GRAMD1B: variants seen among roughly 807,000 people sequenced by gnomAD.
GRAMD1B encodes GRAM domain containing 1B, also known as protein Aster-B.
GRAMD1B carries 37 observed loss-of-function variants against 99.7 expected under a neutral mutation model. That is an observed-to-expected ratio of 0.37 (90% CI 0.29 to 0.49). The LOEUF is 0.49. GRAMD1B is among the 20% of genes least tolerant of loss of function. GRAMD1B has a pLI of 0.98. For synonymous variants in GRAMD1B, 427 were observed against 387.6 expected, an observed-to-expected ratio of 1.10 and a Z score of -1.19; for missense variants, 888 against 1,009.2, an observed-to-expected ratio of 0.88 and a Z score of 1.63.
chr11:123,575,486 T>C (rs1948614850), intron 2 of GRAMD1B, among the ~76,000 whole-genome samples: 1 of 152,166 alleles, frequency 6.6e-6, no homozygotes, highest in Non-Finnish European at 1.5e-5. Context: ...CCAACTTCTC[T>C]AGTTATTTTT....
At chr11:123,609,710 CAGA>C (rs759704267) in intron 12 of GRAMD1B, 82 bp from the exon 13 acceptor site, 11 of 822,918 alleles carry the variant, frequency 1.3e-5, no homozygotes, top group Non-Finnish European at 1.8e-5. Flanking sequence ...AAGCACAGTC[CAGA>C]AGGTCACTTG....
At chr11:123,369,579 CT>C (rs1946450018) in intron 1 of GRAMD1B, among the ~76,000 whole-genome samples, 1 of 151,892 alleles carries the variant, frequency 6.6e-6, no homozygotes, top group Non-Finnish European at 1.5e-5. Context: ...TGTTAAAACC[CT>C]ATAAAGTGTG....
chr11:123,538,571 G>A (rs1475982122), intron 2 of GRAMD1B, among the ~76,000 whole-genome samples: 5 of 151,872 alleles, frequency 3.3e-5, no homozygotes, highest in African/African-American at 4.8e-5. Context: ...CCAGCTCTAG[G>A]CAACCACTTT....
chr11:123,566,812 A>G (rs1017238648), intron 2 of GRAMD1B, among the ~76,000 whole-genome samples: 1 of 152,004 alleles, frequency 6.6e-6, no homozygotes, highest in East Asian at 1.9e-4. Flanking sequence ...TTTAAAATTC[A>G]TGGACTATAT....
intron 1 of GRAMD1B, among the ~76,000 whole-genome samples, chr11:123,436,979 C>G (rs1949191055): frequency 6.6e-6 from 1 of 152,108 alleles, no homozygotes; most frequent in African/African-American, 2.4e-5. Flanking sequence ...GTTCAATTCC[C>G]ACCTATGAGT....
chr11:123,387,159 C>T (rs902230452), intron 1 of GRAMD1B, among the ~76,000 whole-genome samples: 1 of 152,072 alleles, frequency 6.6e-6, no homozygotes, highest in Non-Finnish European at 1.5e-5. Context: ...TCTGAGCCTC[C>T]CAGGTCAGGG....
At chr11:123,481,571 G>C (rs1412595813) in intron 2 of GRAMD1B, among the ~76,000 whole-genome samples, 1 of 152,202 alleles carries the variant, frequency 6.6e-6, no homozygotes, top group Non-Finnish European at 1.5e-5. Context: ...TGAGGAAGCT[G>C]CATAGCCCAG....
intron 1 of GRAMD1B, among the ~76,000 whole-genome samples, chr11:123,447,007 G>T (rs1447656857): frequency 6.6e-6 from 1 of 152,122 alleles, no homozygotes; most frequent in African/African-American, 2.4e-5. Flanking sequence ...AGAAAAGATG[G>T]TTACAGATGT....
At chr11:123,465,204 G>A (rs73609928) in intron 1 of GRAMD1B, among the ~76,000 whole-genome samples, 1,536 of 152,236 alleles carry the variant, frequency 0.01, 26 homozygotes, top group African/African-American at 0.034. Flanking sequence ...CTTTTCAGAG[G>A]TTGGTAGGGG....
chr11:123,379,020 A>C (rs931114959), intron 1 of GRAMD1B, among the ~76,000 whole-genome samples: 23 of 152,288 alleles, frequency 1.5e-4, no homozygotes, highest in African/African-American at 5.3e-4. Context: ...GTACAGTGTC[A>C]GTCTAAAGAG....
intron 2 of GRAMD1B, among the ~76,000 whole-genome samples, chr11:123,551,333 T>A (rs1163741558): frequency 6.6e-6 from 1 of 152,218 alleles, no homozygotes; most frequent in Non-Finnish European, 1.5e-5. Context: ...TCCAGGCAGC[T>A]GGGGAGATGA....
chr11:123,577,304 ACTGCCTGC>A, intron 2 of GRAMD1B, 55 bp from the exon 3 acceptor site: 1 of 1,376,746 alleles, frequency 7.3e-7, no homozygotes, highest in East Asian at 2.5e-5. Flanking sequence ...TCGATCACTG[ACTGCCTGC>A]CTTTCCTCCT....
rs554242193 is a variant in GRAMD1B, at chr11:123,606,767, G to A, written c.1482G>A (p.Glu494=). Residue 494 remains glutamate, a synonymous_variant, in exon 11 of 20, where the codon GAG becomes GAA. Transcript: ENST00000635736. ...ATGACAATGAGGACATCCCCACTGAGCTCAGTGACTCTTCCGACACACACG... is the reference window on the plus strand; with the variant it reads ...ATGACAATGAGGACATCCCCACTGAACTCAGTGACTCTTCCGACACACACG... ...DFNDNEDIPT[E]LSDSSDTHDE... The A allele has an allele frequency of 9.7e-5, 156 of 1,613,858 alleles. 3 individuals carry two copies. The South Asian group carries it at 1.6e-3, about 17-fold the overall frequency.
intron 1 of GRAMD1B, among the ~76,000 whole-genome samples, chr11:123,478,659 C>A (rs1433586445): frequency 1.3e-5 from 2 of 152,192 alleles, no homozygotes; most frequent in Middle Eastern, 3.2e-3. Flanking sequence ...GCCTTGAGTT[C>A]TGGGAGCCCC....
At chr11:123,578,396 A>G in intron 3 of GRAMD1B, 1 of 1,526,902 alleles carries the variant, frequency 6.5e-7, no homozygotes, top group Non-Finnish European at 8.8e-7. Flanking sequence ...CCTTCTTTGC[A>G]TGCATGGTCT....
rs1431670868 is a variant in GRAMD1B at position 123,618,777 on chromosome 11, G to A, written c.2403G>A (p.Trp801Ter). Residue 801 changes from tryptophan (W) to a stop codon, truncating the protein, a stop_gained, in exon 18 of 20, where the codon TGG (tryptophan) becomes TGA (stop). Transcript: ENST00000635736. LOFTEE classifies it high-confidence loss of function. ...ACACCACGCAGACCCTCACTGCCTG[G>A]CAGGGTCTAAGGCTCCAAGAAAGGT... ...LEYTTQTLTA[W>*]QGLRLQERLP... 2 of 1,562,236 alleles carry A rather than the reference G, an allele frequency of 1.3e-6. No homozygotes were observed. The highest frequency in any genetic ancestry group is 1.7e-6 in the Non-Finnish European group (2 of 1,146,860).
intron 3 of GRAMD1B, among the ~76,000 whole-genome samples, chr11:123,583,334 G>A (rs535596431): frequency 6.6e-6 from 1 of 150,390 alleles, no homozygotes; most frequent in Admixed American, 6.6e-5. Context: ...GTGTGCATGT[G>A]TGTGGTGTGC....
At chr11:123,365,262 T>TC (rs960664802) in intron 1 of GRAMD1B, among the ~76,000 whole-genome samples, 15 of 149,126 alleles carry the variant, frequency 1.0e-4, no homozygotes, top group African/African-American at 3.4e-4. Context: ...CTTTTCTTCT[T>TC]TTTTTTTTTA....
At chr11:123,418,413 C>T (rs58206073) in intron 1 of GRAMD1B, among the ~76,000 whole-genome samples, 48 of 152,250 alleles carry the variant, frequency 3.2e-4, no homozygotes, top group Middle Eastern at 6.8e-3. Context: ...GACTGAACTC[C>T]GATTCAGGGT....
Sources: allele counts gnomAD v4.1 joint callset (sites outside exome capture counted in the v4.1 genomes callset), GRCh38; gene constraint gnomAD v4.1.1; transcripts MANE v1.5; gene names NCBI Gene and HGNC (gene_info 2026-07-23, HGNC 2026-07-21).